RAP1GAP2: variants seen among roughly 807,000 people sequenced by gnomAD.
RAP1GAP2 encodes the protein rap1 GTPase-activating protein 2.
A neutral mutation model predicts 95.0 loss-of-function variants in RAP1GAP2; 27 were observed. That is an observed-to-expected ratio of 0.28 (90% CI 0.21 to 0.39). The LOEUF (loss-of-function observed/expected upper bound fraction) is 0.39, where lower values mean the gene tolerates loss of function less well. Ranked by LOEUF, RAP1GAP2 falls within the 10% of genes least tolerant of loss-of-function variation. The pLI is 1.00. For synonymous variants in RAP1GAP2, 373 were observed against 380.9 expected (o/e 0.98, Z 0.24); for missense variants, 771 against 970.0 (o/e 0.79, Z 2.72).
chr17:2,781,936 G>T (rs1597296403), intron 1 of RAP1GAP2, among the ~76,000 whole-genome samples: 2 of 151,966 alleles, frequency 1.3e-5, no homozygotes, highest in East Asian at 1.9e-4. Flanking sequence ...CTCTGTGTGG[G>T]CAGGTCTCTG....
intron 2 of RAP1GAP2, among the ~76,000 whole-genome samples, chr17:2,885,028 CTTTTTTTTTTTTTT>C (rs891984333): frequency 2.7e-5 from 3 of 112,506 alleles, no homozygotes; most frequent in Admixed American, 9.4e-5. Flanking sequence ...TTATTTCTTT[CTTTTTTTTTTTTTT>C]TTTTTTTTTG....
chr17:2,803,109 G>A (rs892134594), intron 2 of RAP1GAP2, among the ~76,000 whole-genome samples: 4 of 152,130 alleles, frequency 2.6e-5, no homozygotes, highest in Admixed American at 1.3e-4. Flanking sequence ...AGCACTTATC[G>A]AGGGAGGGCC....
chr17:2,926,264 G>A (rs1042118297), intron 3 of RAP1GAP2, among the ~76,000 whole-genome samples: 5 of 152,184 alleles, frequency 3.3e-5, no homozygotes, highest in African/African-American at 9.6e-5. Flanking sequence ...CTGACTTGGC[G>A]TGGACAGCCC....
At chr17:2,828,948 G>C (rs1046170110) in intron 2 of RAP1GAP2, among the ~76,000 whole-genome samples, 5 of 150,854 alleles carry the variant, frequency 3.3e-5, no homozygotes, top group Admixed American at 6.6e-5. Context: ...TTGCTCCCTG[G>C]GGGGGCAGGT....
At chr17:3,032,298 G>A (rs556896869) in intron 23 of RAP1GAP2, 113 bp from the exon 24 acceptor site, 19 of 1,248,716 alleles carry the variant, frequency 1.5e-5, no homozygotes, top group African/African-American at 3.0e-5. Flanking sequence ...CTGGGGTCCT[G>A]AATCCCTTCC....
intron 3 of RAP1GAP2, among the ~76,000 whole-genome samples, chr17:2,907,083 AG>A (rs1245329159): frequency 7.9e-6 from 1 of 127,194 alleles, no homozygotes; most frequent in African/African-American, 3.3e-5. Context: ...CCCAGTGAAA[AG>A]AAAAGTATTT....
intron 3 of RAP1GAP2, among the ~76,000 whole-genome samples, chr17:2,917,586 G>T (rs2042612918): frequency 6.6e-6 from 1 of 152,056 alleles, no homozygotes; most frequent in East Asian, 1.9e-4. Flanking sequence ...GGTATTTTTA[G>T]TAGAGACGGG....
chr17:2,913,531 C>T (rs11653742), intron 3 of RAP1GAP2, among the ~76,000 whole-genome samples: 28 of 152,290 alleles, frequency 1.8e-4, no homozygotes, highest in South Asian at 1.0e-3. Context: ...TCAGGTGATC[C>T]GCCGGCCTCA....
chr17:2,877,595 C>G (rs757550239), intron 2 of RAP1GAP2, among the ~76,000 whole-genome samples: 1 of 152,038 alleles, frequency 6.6e-6, no homozygotes, highest in Non-Finnish European at 1.5e-5. Context: ...TAAAAAAACA[C>G]AAAAAATTAA....
rs115609417 is a variant in RAP1GAP2, at chr17:2,797,678, A to G, written c.44+1107A>G. ...GGCAGGGGGGGACTGTGGGCACTCC[A>G]TGTTTGGCAGATGGGATGGTGCGGA... is the stretch of plus-strand genomic sequence containing the variant. On this transcript the variant is annotated intron_variant, in intron 1 of 24. Transcript: ENST00000254695. This position sits in a 1 kb window ranked among gnomAD's most constrained non-coding sequence, Gnocchi z 5.6. 2.2e-3 allele frequency: 2,137 copies of G among 985,234 alleles called. 40 individuals are homozygous for G. In the African/African-American group the frequency reaches 0.035, roughly 16 times the overall value. The allele number at this position is 985,234 out of a possible 1,614,324, so 61.0% of individuals were successfully genotyped here. A position where few individuals can be genotyped will look rare whatever the true frequency, so the allele number is the denominator to read the frequency against.
chr17:2,988,189 A>G (rs1222267570), intron 11 of RAP1GAP2, among the ~76,000 whole-genome samples: 1 of 150,082 alleles, frequency 6.7e-6, no homozygotes, highest in African/African-American at 2.5e-5. Context: ...CAGCTGGAGC[A>G]ACGAGCGAAA....
rs1365164821 is a variant in RAP1GAP2, at chr17:2,857,773, G to A, written c.81-47511G>A. 1.3e-5 allele frequency among the ~76,000 whole-genome samples: 2 copies of A among 152,190 alleles called. No homozygotes were observed. The highest frequency in any genetic ancestry group is 4.8e-5 in the African/African-American group (2 of 41,444). On this transcript the variant is annotated intron_variant, in intron 2 of 24. Transcript: ENST00000254695. The surrounding 1 kb of genome is among the most constrained non-coding windows in gnomAD (Gnocchi z 4.0). ...AGGGGGAAAACAGGCAGCTTTGCTGGGAAGGACGGAGGCCGAGGAACACGA... is the reference window on the plus strand; with the variant it reads ...AGGGGGAAAACAGGCAGCTTTGCTGAGAAGGACGGAGGCCGAGGAACACGA...
In RAP1GAP2 at chr17:2,857,228, G is replaced by A. The variant is rs1170354221; in HGVS notation, c.81-48056G>A. 6.6e-6 allele frequency among the ~76,000 whole-genome samples: 1 copy of A among 152,174 alleles called. No individual in the cohort carries two copies. The highest frequency in any genetic ancestry group is 1.5e-5 in the Non-Finnish European group (1 of 68,028). ...CAGGCTTGTGCAGATAACACTGTTG[G>A]CTCTTAGCCTTAAGGGTTGAAATGG... On this transcript the variant is annotated intron_variant, in intron 2 of 24. Transcript: ENST00000254695. This position sits in a 1 kb window ranked among gnomAD's most constrained non-coding sequence, Gnocchi z 4.0.
At position 2,963,608 on chromosome 17, in the gene RAP1GAP2, C is replaced by A. The variant is rs905316407; in HGVS notation, c.279+146C>A. The stretch of plus-strand genomic sequence containing the variant: ...TCTCTTCCTGTCTTTGCCTTTGTAA[C>A]CTCAGCTTCTCCATGTGTTAAGTTG... On this transcript the variant is annotated intron_variant, in intron 6 of 24. Transcript: ENST00000254695. This position sits in a 1 kb window ranked among gnomAD's most constrained non-coding sequence, Gnocchi z 4.8. 2.6e-6 allele frequency: 3 copies of A among 1,150,566 alleles called. No homozygotes were observed. The highest frequency in any genetic ancestry group is 1.9e-5 in the Admixed American group (1 of 51,812). The allele number at this position is 1,150,566 out of a possible 1,614,324, so 71.3% of individuals were successfully genotyped here. A position where few individuals can be genotyped will look rare whatever the true frequency, so the allele number is the denominator to read the frequency against.
At chr17:3,032,470 G>T in intron 24 of RAP1GAP2, 21 bp downstream of exon 24, 1 of 1,608,546 alleles carries the variant, frequency 6.2e-7, no homozygotes. Flanking sequence ...TGAATGTCCT[G>T]CTGTGGCCGT....
chr17:2,771,490 T>TG (rs1359422811), intron 2 of RAP1GAP2, among the ~76,000 whole-genome samples: 3 of 146,904 alleles, frequency 2.0e-5, no homozygotes, highest in South Asian at 2.1e-4. Context: ...TTTTTTGTTT[T>TG]TTTTTTTTGT....
At chr17:2,843,832 A>G (rs1176445858) in intron 2 of RAP1GAP2, among the ~76,000 whole-genome samples, 1 of 151,576 alleles carries the variant, frequency 6.6e-6, no homozygotes, top group Non-Finnish European at 1.5e-5. Flanking sequence ...GGAGGACGTG[A>G]TTGGCACACT....
chr17:2,955,436 G>A (rs1293430384), intron 3 of RAP1GAP2, among the ~76,000 whole-genome samples: 4 of 152,166 alleles, frequency 2.6e-5, no homozygotes, highest in Non-Finnish European at 5.9e-5. Context: ...TTGGGTATAT[G>A]TGTATTTAGA....
At chr17:2,872,107 G>A (rs540975523) in intron 2 of RAP1GAP2, among the ~76,000 whole-genome samples, 64 of 151,560 alleles carry the variant, frequency 4.2e-4, no homozygotes, top group African/African-American at 1.4e-3. Flanking sequence ...CCAGCTACTC[G>A]GGAGGCTGAG....
Sources: allele counts gnomAD v4.1 joint callset (sites outside exome capture counted in the v4.1 genomes callset), GRCh38; gene constraint gnomAD v4.1.1; non-coding constraint Gnocchi (gnomAD v3.1); transcripts MANE v1.5; gene names NCBI Gene and HGNC (gene_info 2026-07-23, HGNC 2026-07-21).